The following DNAH12 variants were observed in gnomAD, a reference collection of about 807,000 sequenced individuals.
The protein encoded by DNAH12 is axonemal beta dynein heavy chain 12.
In DNAH12, 285 loss-of-function variants were observed where a neutral mutation model predicts 371.5. The observed-to-expected ratio is 0.77, with a 90% confidence interval of 0.70 to 0.85. The LOEUF is 0.85. Ranked by LOEUF, DNAH12 falls within the 40% of genes least tolerant of loss-of-function variation. The pLI, the probability that DNAH12 is intolerant of heterozygous loss-of-function variation, is 0.00. For synonymous variants in DNAH12, 1,200 were observed against 1,213.0 expected, an observed-to-expected ratio of 0.99 and a Z score of 0.22; for missense variants, 3,611 against 3,689.4, an observed-to-expected ratio of 0.98 and a Z score of 0.55.
At chr3:57,402,005 AT>A (rs1392567481) in intron 43 of DNAH12, among the ~76,000 whole-genome samples, 4 of 152,358 alleles carry the variant, frequency 2.6e-5, no homozygotes, top group Non-Finnish European at 5.9e-5. Flanking sequence ...TATCTGTCTA[AT>A]TTCAAAGTCC....
chr3:57,503,414 G>T (rs1260393354), intron 9 of DNAH12, among the ~76,000 whole-genome samples: 1 of 150,508 alleles, frequency 6.6e-6, no homozygotes, highest in Non-Finnish European at 1.5e-5. Context: ...TTTTGAGACG[G>T]AGTCTCACTG....
intron 2 of DNAH12, among the ~76,000 whole-genome samples, chr3:57,538,829 A>T (rs1418061336): frequency 1.3e-5 from 2 of 152,178 alleles, no homozygotes; most frequent in Admixed American, 6.5e-5. Context: ...AAATTTTTAC[A>T]TCTCCAGCCT....
At position 57,411,526 on chromosome 3, in the gene DNAH12, C is replaced by CAAAAA. The variant is rs57344840; in HGVS notation, c.6020+2215_6020+2219dup. Among the ~76,000 whole-genome samples the CAAAAA allele has an allele frequency of 1.8e-3, 72 of 38,934 alleles. 1 individual carries two copies. The highest frequency in any genetic ancestry group is 2.8e-3 in the South Asian group (2 of 718). The allele number at this position is 38,934 out of a possible 152,430, so 25.5% of individuals were successfully genotyped here. A position where few individuals can be genotyped will look rare whatever the true frequency, so the allele number is the denominator to read the frequency against. On this transcript the variant is annotated intron_variant, in intron 39 of 73. Transcript: ENST00000495027. The stretch of plus-strand genomic sequence containing the variant: ...TGGGTGACAGAGTGAGACACTGTCT[C>CAAAAA]AAAAAAAAAAAAAAAAAAAAAAAAA...
At chr3:57,495,777 T>A (rs1258370339) in intron 11 of DNAH12, among the ~76,000 whole-genome samples, 5 of 143,732 alleles carry the variant, frequency 3.5e-5, no homozygotes, top group African/African-American at 1.0e-4. Context: ...TTTTATATAT[T>A]TTTATATATT....
At chr3:57,355,223 A>C (rs1436558769) in intron 59 of DNAH12, among the ~76,000 whole-genome samples, 1 of 152,202 alleles carries the variant, frequency 6.6e-6, no homozygotes, top group Non-Finnish European at 1.5e-5. Flanking sequence ...AAAGTAATAC[A>C]TAGGACCATG....
chr3:57,331,805 C>G (rs999231847), intron 62 of DNAH12, among the ~76,000 whole-genome samples: 2 of 152,208 alleles, frequency 1.3e-5, no homozygotes, highest in South Asian at 4.2e-4. Flanking sequence ...TCTTCAAGAG[C>G]CCAGTTGTAG....
At chr3:57,543,060 T>C (rs2069363873) in intron 1 of DNAH12, among the ~76,000 whole-genome samples, 157 bp from the exon 2 acceptor site, 2 of 152,196 alleles carry the variant, frequency 1.3e-5, no homozygotes, top group South Asian at 4.1e-4. Flanking sequence ...TTGAGGTAAG[T>C]TGGCAGGGAT....
At chr3:57,548,044 C>T (rs533543212), upstream of DNAH12, among the ~76,000 whole-genome samples, 2 of 152,256 alleles carry the variant, frequency 1.3e-5, no homozygotes, top group African/African-American at 4.8e-5. Flanking sequence ...TTTAGAATGG[C>T]TATGGTGAAA....
intron 65 of DNAH12, among the ~76,000 whole-genome samples, chr3:57,316,801 A>G (rs2061694888): frequency 6.6e-6 from 1 of 152,152 alleles, no homozygotes; most frequent in African/African-American, 2.4e-5. Context: ...CTTGTGAAGA[A>G]GGTGCTTGCT....
At chr3:57,353,628 A>C (rs1233108219) in intron 59 of DNAH12, among the ~76,000 whole-genome samples, 1 of 152,222 alleles carries the variant, frequency 6.6e-6, no homozygotes, top group South Asian at 2.1e-4. Context: ...CAAACTGTAC[A>C]TCTGACAAAG....
At chr3:57,440,566 T>A (rs1034606723) in intron 29 of DNAH12, among the ~76,000 whole-genome samples, 6 of 152,180 alleles carry the variant, frequency 3.9e-5, no homozygotes, top group Non-Finnish European at 2.9e-5. Context: ...AAAAACTAAC[T>A]ATTGGGTACT....
intron 44 of DNAH12, among the ~76,000 whole-genome samples, chr3:57,392,546 C>A (rs1197438613): frequency 6.6e-6 from 1 of 152,066 alleles, no homozygotes; most frequent in Non-Finnish European, 1.5e-5. Flanking sequence ...TGCACCACTG[C>A]ACTCCAGCCT....
chr3:57,489,708 T>C (rs1017067771), intron 11 of DNAH12, 21 bp from the exon 12 acceptor site: 10 of 1,484,236 alleles, frequency 6.7e-6, no homozygotes, highest in Non-Finnish European at 8.9e-6. Context: ...AGTGTTCAAA[T>C]GAAAAAAAAA....
chr3:57,422,324 T>C (rs1453047292), intron 35 of DNAH12, among the ~76,000 whole-genome samples: 1 of 151,968 alleles, frequency 6.6e-6, no homozygotes, highest in Non-Finnish European at 1.5e-5. Context: ...ACTTCCCAGG[T>C]TCAAGCTATT....
At chr3:57,483,822 C>T (rs1366206782) in intron 12 of DNAH12, among the ~76,000 whole-genome samples, 2 of 151,200 alleles carry the variant, frequency 1.3e-5, no homozygotes, top group Non-Finnish European at 2.9e-5. Flanking sequence ...CATGGTGGCA[C>T]ATGCCTGTAG....
chr3:57,359,684 C>A (rs1395005908), intron 58 of DNAH12, among the ~76,000 whole-genome samples: 1 of 151,154 alleles, frequency 6.6e-6, no homozygotes, highest in Non-Finnish European at 1.5e-5. Flanking sequence ...ATATATTATA[C>A]TTTCCAAAAA....
intron 45 of DNAH12, among the ~76,000 whole-genome samples, chr3:57,389,798 A>ATGTGTGTGTG (rs1211815764): frequency 7.1e-4 from 66 of 92,532 alleles, no homozygotes; most frequent in Middle Eastern, 6.6e-3. Flanking sequence ...ATATACACAT[A>ATGTGTGTGTG]TGTGTGTGTG....
chr3:57,428,562 T>G (rs968419469), intron 34 of DNAH12, 71 bp downstream of exon 34: 5 of 1,512,688 alleles, frequency 3.3e-6, no homozygotes, highest in Non-Finnish European at 4.4e-6. Flanking sequence ...TACCAACCAC[T>G]GTGACTTTAG....
At position 57,493,250 on chromosome 3, in the gene DNAH12, A is replaced by C. The variant is rs540452208; in HGVS notation, c.1336-3563T>G. Among the ~76,000 whole-genome samples, 3 of 152,326 alleles carry C rather than the reference A, an allele frequency of 2.0e-5. No homozygotes were observed. In the South Asian group the frequency reaches 6.2e-4, roughly 32 times the overall value. ...GGGTTCCATATCTGCAGAATCAACT[A>C]ACAGCAGATTGAAAATATTTGAAAA... On this transcript the variant is annotated intron_variant, in intron 11 of 73. Coordinates refer to ENST00000495027, the MANE Select transcript of DNAH12 (RefSeq NM_001366028.2).
Sources: allele counts gnomAD v4.1 joint callset (sites outside exome capture counted in the v4.1 genomes callset), GRCh38; gene constraint gnomAD v4.1.1; transcripts MANE v1.5; gene names NCBI Gene and HGNC (gene_info 2026-07-23, HGNC 2026-07-21).